The following HSD17B2 variants were observed in gnomAD, a reference collection of about 807,000 sequenced individuals.
HSD17B2 encodes the protein 17-beta-hydroxysteroid dehydrogenase type 2.
Under a neutral mutation model 26.9 loss-of-function variants are expected in HSD17B2, and 32 were observed. That is an observed-to-expected ratio of 1.19 (90% CI 0.90 to 1.60). The LOEUF is 1.60. HSD17B2 is among the 40% of genes most tolerant of loss of function. The pLI is 0.00. For synonymous variants in HSD17B2, 246 were observed against 186.7 expected (o/e 1.32, Z -2.59); for missense variants, 613 against 468.6 (o/e 1.31, Z -2.85).
At chr16:82,097,276 G>GTATATATATATACACATATA (rs1491587293) in intron 4 of HSD17B2, 1 of 124,516 alleles carries the variant, frequency 8.0e-6, no homozygotes, top group African/African-American at 2.7e-5. Flanking sequence ...CTATGTGTGT[G>GTATATATATATACACATATA]TATGTGTGTG....
intron 1 of HSD17B2, among the ~76,000 whole-genome samples, chr16:82,045,104 C>G (rs1157180251): frequency 1.1e-5 from 1 of 91,956 alleles, no homozygotes; most frequent in African/African-American, 4.6e-5. Flanking sequence ...GCTTGGGTGA[C>G]AGAGTAAAAC....
At chr16:82,039,671 C>T (rs16956274) in intron 1 of HSD17B2, among the ~76,000 whole-genome samples, 7,096 of 152,248 alleles carry the variant, frequency 0.047, 556 homozygotes, top group African/African-American at 0.16. Context: ...CGTTGTCCTT[C>T]TCAGCCTACC....
intron 3 of HSD17B2, among the ~76,000 whole-genome samples, chr16:82,073,619 A>C (rs757927410): frequency 3.8e-4 from 58 of 152,312 alleles, no homozygotes; most frequent in Non-Finnish European, 8.1e-4. Flanking sequence ...TCAGCCCTCC[A>C]GAATGCCTAG....
intron 1 of HSD17B2, among the ~76,000 whole-genome samples, chr16:82,058,014 C>A (rs1437920562): frequency 1.3e-5 from 2 of 150,342 alleles, no homozygotes; most frequent in East Asian, 1.9e-4. Flanking sequence ...AATATTGGGT[C>A]ATTAATTGTA....
At chr16:82,042,296 C>T (rs1004356622) in intron 1 of HSD17B2, among the ~76,000 whole-genome samples, 12 of 151,894 alleles carry the variant, frequency 7.9e-5, no homozygotes, top group African/African-American at 1.4e-4. Flanking sequence ...TGAGTCACCA[C>T]GCCCAGCCTC....
In HSD17B2 at chr16:82,070,953, G is replaced by C; in HGVS notation, c.490G>C (p.Val164Leu). ...AMLQDRGLWAVINNAGVLGFP... is the reference protein window; with the variant it reads ...AMLQDRGLWALINNAGVLGFP... Reference sequence around the variant, plus strand: ...TTTTCTGTCTCCAGGACTGTGGGCTGTGATCAACAATGCTGGGGTGCTTGG... The same window carrying C: ...TTTTCTGTCTCCAGGACTGTGGGCTCTGATCAACAATGCTGGGGTGCTTGG... Residue 164 changes from valine to leucine, a missense_variant, in exon 3 of 5, where the codon GTG becomes CTG. Coordinates refer to ENST00000199936, the MANE Select transcript of HSD17B2 (RefSeq NM_002153.3). The C allele has an allele frequency of 6.2e-7, 1 of 1,613,554 alleles. No individual in the cohort carries two copies. Among genetic ancestry groups the C allele is most frequent in the Non-Finnish European group, 8.5e-7 (1 of 1,179,542 alleles).
intron 1 of HSD17B2, among the ~76,000 whole-genome samples, chr16:82,039,402 C>A (rs1437338232): frequency 1.3e-5 from 2 of 150,628 alleles, no homozygotes; most frequent in Non-Finnish European, 3.0e-5. Context: ...GAGGGGAAAG[C>A]TTGAGTAGTT....
chr16:82,092,881 G>A (rs1007006543), intron 4 of HSD17B2: 16 of 152,174 alleles, frequency 1.1e-4, no homozygotes, highest in African/African-American at 3.9e-4. Flanking sequence ...AATCTGGCAG[G>A]AGGATTGAGT....
chr16:82,076,151 C>G (rs1260740283), intron 3 of HSD17B2, among the ~76,000 whole-genome samples: 1 of 151,940 alleles, frequency 6.6e-6, no homozygotes. Context: ...TCAATTGATT[C>G]TAAGAAAAGC....
At chr16:82,037,620 G>T (rs941643430) in intron 1 of HSD17B2, among the ~76,000 whole-genome samples, 1 of 151,978 alleles carries the variant, frequency 6.6e-6, no homozygotes, top group Non-Finnish European at 1.5e-5. Flanking sequence ...AACCAAAATG[G>T]CACATTCAAC....
chr16:82,050,257 C>G (rs961707515), intron 1 of HSD17B2, among the ~76,000 whole-genome samples: 6 of 152,102 alleles, frequency 3.9e-5, no homozygotes, highest in African/African-American at 9.7e-5. Flanking sequence ...TCTTGGTGAG[C>G]TGCACTACCC....
chr16:82,058,054 G>C (rs1273713711), intron 1 of HSD17B2, among the ~76,000 whole-genome samples: 1 of 151,810 alleles, frequency 6.6e-6, no homozygotes, highest in African/African-American at 2.4e-5. Flanking sequence ...ACTAATGTAA[G>C]ATTGTTGTTG....
At chr16:82,087,395 C>A (rs565309901) in intron 3 of HSD17B2, among the ~76,000 whole-genome samples, 44 of 152,310 alleles carry the variant, frequency 2.9e-4, no homozygotes, top group African/African-American at 9.9e-4. Context: ...GACACAGCGG[C>A]TCTTAATCAG....
At chr16:82,040,417 C>T (rs150931218) in intron 1 of HSD17B2, among the ~76,000 whole-genome samples, 1 of 152,308 alleles carries the variant, frequency 6.6e-6, no homozygotes, top group African/African-American at 2.4e-5. Context: ...TAATAATTCA[C>T]ATTTGTAAAC....
At chr16:82,073,365 C>T (rs1597132990) in intron 3 of HSD17B2, among the ~76,000 whole-genome samples, 1 of 151,980 alleles carries the variant, frequency 6.6e-6, no homozygotes, top group Non-Finnish European at 1.5e-5. Flanking sequence ...GCTGGGACTA[C>T]AGACGCCCCC....
intron 2 of HSD17B2, among the ~76,000 whole-genome samples, chr16:82,069,856 G>A (rs1395277991): frequency 2.0e-5 from 3 of 152,128 alleles, no homozygotes; most frequent in South Asian, 2.1e-4. Context: ...GAAACCACGT[G>A]CAGGACCCTT....
At chr16:82,084,350 G>A (rs906883153) in intron 3 of HSD17B2, among the ~76,000 whole-genome samples, 27 of 152,074 alleles carry the variant, frequency 1.8e-4, no homozygotes, top group South Asian at 8.3e-4. Flanking sequence ...ATTGTGACAC[G>A]TCTTCAGATA....
intron 3 of HSD17B2, among the ~76,000 whole-genome samples, chr16:82,075,647 C>G (rs148740375): frequency 2.6e-4 from 40 of 151,988 alleles, no homozygotes; most frequent in Admixed American, 9.8e-4. Context: ...TTACAGAGAG[C>G]CTACCAAGAT....
intron 3 of HSD17B2, among the ~76,000 whole-genome samples, chr16:82,077,350 A>G (rs8047676): frequency 0.12 from 18,247 of 152,006 alleles, 3,643 homozygotes; most frequent in African/African-American, 0.41. Flanking sequence ...TAGAGAACCC[A>G]GAAATAAATC....
Sources: gnomAD v4.1 joint callset for allele counts (sites outside exome capture counted in the v4.1 genomes callset) on GRCh38, gnomAD v4.1.1 for gene constraint, MANE v1.5 for transcripts, NCBI Gene and HGNC (gene_info 2026-07-23, HGNC 2026-07-21) for gene names.